The following CDKAL1 variants were observed in gnomAD, a reference collection of about 807,000 sequenced individuals.
The protein encoded by CDKAL1 is CDKAL1 threonylcarbamoyladenosine tRNA methylthiotransferase.
Under a neutral mutation model 68.2 loss-of-function variants are expected in CDKAL1, and 32 were observed. The ratio of observed to expected loss-of-function variants is 0.47; its 90% CI spans 0.35 to 0.63. CDKAL1 has a LOEUF of 0.63. Among genes scored for constraint, CDKAL1 ranks in the 30% least tolerant of loss-of-function variants. The pLI is 0.00. For synonymous variants in CDKAL1, 234 were observed against 244.3 expected, an observed-to-expected ratio of 0.96 and a Z score of 0.39; for missense variants, 606 against 696.7, an observed-to-expected ratio of 0.87 and a Z score of 1.47.
At chr6:20,732,263 C>CTTTTTTTTTTTTTTTTTTT (rs56911987) in intron 5 of CDKAL1, among the ~76,000 whole-genome samples, 84 of 83,490 alleles carry the variant, frequency 1.0e-3, no homozygotes, top group South Asian at 2.4e-3. Flanking sequence ...TTCTTTCTTT[C>CTTTTTTTTTTTTTTTTTTT]TTTTTTTTTT....
chr6:21,058,942 C>A (rs938112288), intron 11 of CDKAL1, among the ~76,000 whole-genome samples: 1 of 152,182 alleles, frequency 6.6e-6, no homozygotes, highest in African/African-American at 2.4e-5. Flanking sequence ...CTTGGTGGAG[C>A]GGGTTTGCTG....
At chr6:20,742,840 T>C (rs1773515960) in intron 6 of CDKAL1, among the ~76,000 whole-genome samples, 1 of 152,048 alleles carries the variant, frequency 6.6e-6, no homozygotes, top group South Asian at 2.1e-4. Context: ...TTGTAGAGCA[T>C]TTTTTTCTGT....
chr6:20,667,288 C>T (rs1769593938), intron 5 of CDKAL1, among the ~76,000 whole-genome samples: 1 of 152,150 alleles, frequency 6.6e-6, no homozygotes, highest in African/African-American at 2.4e-5. Context: ...ATGACACAGT[C>T]ACTGCTCTTA....
intron 9 of CDKAL1, among the ~76,000 whole-genome samples, chr6:20,951,338 A>C (rs1764514890): frequency 6.6e-6 from 1 of 152,236 alleles, no homozygotes; most frequent in African/African-American, 2.4e-5. Flanking sequence ...TAATCTTTTG[A>C]AATTGAATTT....
rs201751105 is a variant in CDKAL1 at position 20,958,096 on chromosome 6, G to A, written c.909+2511G>A. ...GGCAGCAAAAGATGATGAAGTAAAT[G>A]AGCTTCAAGGGTGAGAATTGTTCCC... On this transcript the variant is annotated intron_variant, in intron 10 of 15. Transcript: ENST00000274695. 1.4e-4 allele frequency among the ~76,000 whole-genome samples: 21 copies of A among 151,848 alleles called. No individual in the cohort carries two copies. The East Asian group carries it at 3.7e-3, about 27-fold the overall frequency.
chr6:21,212,001 T>C (rs773770047), intron 15 of CDKAL1, among the ~76,000 whole-genome samples: 1 of 152,164 alleles, frequency 6.6e-6, no homozygotes, highest in Non-Finnish European at 1.5e-5. Flanking sequence ...GCTCAAGCAA[T>C]GCTCCAGCCT....
At chr6:21,129,551 T>C (rs1775180950) in intron 13 of CDKAL1, among the ~76,000 whole-genome samples, 1 of 152,126 alleles carries the variant, frequency 6.6e-6, no homozygotes, top group South Asian at 2.1e-4. Context: ...CAACAGTTCC[T>C]GCACCTTAGA....
At chr6:20,752,971 C>A (rs1773994008) in intron 6 of CDKAL1, among the ~76,000 whole-genome samples, 1 of 152,038 alleles carries the variant, frequency 6.6e-6, no homozygotes, top group African/African-American at 2.4e-5. Flanking sequence ...AACCTTTGAC[C>A]ACTCCCAACG....
chr6:20,844,374 G>A (rs573124890), intron 8 of CDKAL1, among the ~76,000 whole-genome samples: 1 of 152,276 alleles, frequency 6.6e-6, no homozygotes, highest in African/African-American at 2.4e-5. Context: ...CTCAGTTCTT[G>A]TGGGAGGGGG....
chr6:20,542,930 T>C (rs2127649062), intron 2 of CDKAL1, among the ~76,000 whole-genome samples: 1 of 152,358 alleles, frequency 6.6e-6, no homozygotes, highest in East Asian at 1.9e-4. Context: ...TGTAACCTTT[T>C]GGGATTGAAT....
At chr6:21,148,907 G>C (rs932813648) in intron 13 of CDKAL1, among the ~76,000 whole-genome samples, 1 of 152,146 alleles carries the variant, frequency 6.6e-6, no homozygotes, top group Non-Finnish European at 1.5e-5. Flanking sequence ...TGTATGAAGT[G>C]AAGACTGAAT....
At chr6:21,111,376 T>G (rs1275910123) in intron 13 of CDKAL1, among the ~76,000 whole-genome samples, 5 of 152,234 alleles carry the variant, frequency 3.3e-5, no homozygotes, top group African/African-American at 4.8e-5. Context: ...GTCACTTAAA[T>G]GACAGCTTTG....
chr6:20,668,077 C>T (rs576746673), intron 5 of CDKAL1, among the ~76,000 whole-genome samples: 30 of 151,998 alleles, frequency 2.0e-4, no homozygotes, highest in Admixed American at 1.8e-3. Context: ...TTTTCCCTCC[C>T]CCTCTCTTTC....
chr6:20,884,651 C>T (rs539929485), intron 9 of CDKAL1, among the ~76,000 whole-genome samples: 1 of 152,166 alleles, frequency 6.6e-6, no homozygotes, highest in South Asian at 2.1e-4. Flanking sequence ...ATGAATGTAG[C>T]AAAGCTGTAG....
rs1561947615 is a variant in CDKAL1, at chr6:20,997,512, A to G, written c.910-2715A>G. ...GAAGCTAAAGATAATTACTAGTGGG[A>G]AGGTTTATTTTGAGAACCACGGGGG... On this transcript the variant is annotated intron_variant, in intron 10 of 15. Coordinates refer to ENST00000274695, the MANE Select transcript of CDKAL1 (RefSeq NM_017774.3). 2.0e-5 allele frequency among the ~76,000 whole-genome samples: 3 copies of G among 150,240 alleles called. No individual in the cohort carries two copies. The South Asian group carries it at 6.5e-4, about 32-fold the overall frequency.
chr6:20,815,296 T>G (rs977238288), intron 8 of CDKAL1, among the ~76,000 whole-genome samples: 3 of 152,186 alleles, frequency 2.0e-5, no homozygotes, highest in Middle Eastern at 3.2e-3. Flanking sequence ...TTTCTCTGTT[T>G]TTAGTAGTTT....
intron 8 of CDKAL1, among the ~76,000 whole-genome samples, chr6:20,807,959 T>C (rs909521514): frequency 1.3e-5 from 2 of 152,240 alleles, no homozygotes; most frequent in Non-Finnish European, 2.9e-5. Flanking sequence ...TAATCTGTAT[T>C]GTAAATGACA....
chr6:20,839,723 A>C (rs1475440240), intron 8 of CDKAL1, among the ~76,000 whole-genome samples: 4 of 152,066 alleles, frequency 2.6e-5, no homozygotes, highest in African/African-American at 7.2e-5. Flanking sequence ...GTCTGGCAAG[A>C]TCTGCATTAT....
intron 6 of CDKAL1, among the ~76,000 whole-genome samples, chr6:20,758,332 T>C (rs982114503): frequency 2.6e-5 from 4 of 152,194 alleles, no homozygotes; most frequent in African/African-American, 9.6e-5. Context: ...TGATAGGCTA[T>C]CCTAAAACAA....
Sources: allele counts gnomAD v4.1 joint callset (sites outside exome capture counted in the v4.1 genomes callset), GRCh38; gene constraint gnomAD v4.1.1; transcripts MANE v1.5; gene names NCBI Gene and HGNC (gene_info 2026-07-23, HGNC 2026-07-21).